The following GNAQ variants were observed in gnomAD, a reference collection of about 807,000 sequenced individuals.
GNAQ encodes the protein G protein subunit alpha q.
A neutral mutation model predicts 43.9 loss-of-function variants in GNAQ; 8 were observed. The ratio of observed to expected loss-of-function variants is 0.18; its 90% CI spans 0.11 to 0.33. The LOEUF (loss-of-function observed/expected upper bound fraction) is 0.33, where lower values mean the gene tolerates loss of function less well. GNAQ is among the 10% of genes least tolerant of loss of function. The probability of loss-of-function intolerance (pLI) is 1.00; values close to 1 mark genes in which losing one functional copy is unlikely to be tolerated. For missense variants in GNAQ, 158 were observed against 450.8 expected, an observed-to-expected ratio of 0.35 and a Z score of 5.88; for synonymous variants, 155 against 170.7, an observed-to-expected ratio of 0.91 and a Z score of 0.71.
Position 77,721,206 on chromosome 9 carries a change from G to T in GNAQ, c.*117C>A, listed in dbSNP as rs1825305349. 6.2e-6 allele frequency: 4 copies of T among 642,442 alleles called. No individual in the cohort carries two copies. In the South Asian group the frequency reaches 7.8e-5, roughly 13 times the overall value. The allele number at this position is 642,442 out of a possible 1,614,324, so 39.8% of individuals were successfully genotyped here. On this transcript the variant is annotated 3_prime_UTR_variant, in exon 7 of 7. Transcript: ENST00000286548. ...AACTCTGTGGACACGCTCACACAGA[G>T]TCCAGGACGGCAATAAATTAGTATT...
intron 3 of GNAQ, among the ~76,000 whole-genome samples, chr9:77,808,269 T>A (rs1826859183): frequency 6.6e-6 from 1 of 151,970 alleles, no homozygotes; most frequent in East Asian, 1.9e-4. Flanking sequence ...AAGCCTTATC[T>A]TTTTATCTTT....
intron 2 of GNAQ, among the ~76,000 whole-genome samples, chr9:77,850,217 T>C (rs993748425): frequency 6.6e-6 from 1 of 152,222 alleles, no homozygotes; most frequent in Admixed American, 6.5e-5. Flanking sequence ...GCTGGTTTTC[T>C]TCTCATTTAT....
chr9:77,881,798 G>A (rs1828212099), intron 2 of GNAQ, among the ~76,000 whole-genome samples: 1 of 152,200 alleles, frequency 6.6e-6, no homozygotes, highest in Non-Finnish European at 1.5e-5. Context: ...GAGGATCAAA[G>A]TCTGAAAACT....
At chr9:77,888,719 G>GA (rs1262162767) in intron 2 of GNAQ, among the ~76,000 whole-genome samples, 6 of 151,906 alleles carry the variant, frequency 3.9e-5, no homozygotes, top group South Asian at 4.1e-4. Context: ...TCAGATTTTG[G>GA]AAAAAAAGTG....
intron 2 of GNAQ, among the ~76,000 whole-genome samples, chr9:77,898,433 C>T (rs1159473084): frequency 6.6e-6 from 1 of 152,202 alleles, no homozygotes; most frequent in East Asian, 1.9e-4. Flanking sequence ...TATAGTTTCT[C>T]CTACTGTAAC....
chr9:77,744,834 A>C (rs1170381851), intron 5 of GNAQ, among the ~76,000 whole-genome samples: 1 of 152,160 alleles, frequency 6.6e-6, no homozygotes, highest in African/African-American at 2.4e-5. Flanking sequence ...ATCTCCAGGA[A>C]CTTCCAGGAA....
intron 1 of GNAQ, among the ~76,000 whole-genome samples, chr9:77,967,036 G>A (rs2118441337): frequency 6.6e-6 from 1 of 152,232 alleles, no homozygotes; most frequent in East Asian, 1.9e-4. Flanking sequence ...CTCTCCCCAT[G>A]GGCTTTTGTT....
intron 2 of GNAQ, among the ~76,000 whole-genome samples, chr9:77,827,386 A>C (rs867828563): frequency 0.03 from 4,424 of 149,314 alleles, 96 homozygotes; most frequent in Non-Finnish European, 0.042. Context: ...AAATAACTAA[A>C]AAAAAAAAAA....
At chr9:77,929,002 T>A (rs1256631487) in intron 1 of GNAQ, among the ~76,000 whole-genome samples, 2 of 152,146 alleles carry the variant, frequency 1.3e-5, no homozygotes, top group African/African-American at 2.4e-5. Flanking sequence ...TGGGCAAGAG[T>A]GAGACTCTGT....
chr9:77,728,112 A>G (rs2118215607), intron 6 of GNAQ, among the ~76,000 whole-genome samples: 1 of 151,986 alleles, frequency 6.6e-6, no homozygotes, highest in East Asian at 1.9e-4. Flanking sequence ...CTCCTGCCTC[A>G]GCCTCCCGAG....
At chr9:77,880,569 G>GTT (rs1198287619) in intron 2 of GNAQ, among the ~76,000 whole-genome samples, 15 of 120,072 alleles carry the variant, frequency 1.2e-4, no homozygotes, top group African/African-American at 4.1e-4. Context: ...TTTTTTTTTT[G>GTT]TTTTTTTTGT....
intron 2 of GNAQ, among the ~76,000 whole-genome samples, chr9:77,878,022 T>C (rs1344529822): frequency 6.6e-6 from 1 of 152,194 alleles, no homozygotes; most frequent in East Asian, 1.9e-4. Context: ...TCTTTCCCAC[T>C]AGCCTGGGTG....
At chr9:77,818,539 C>T (rs1406221968) in intron 2 of GNAQ, among the ~76,000 whole-genome samples, 3 of 150,552 alleles carry the variant, frequency 2.0e-5, no homozygotes, top group Admixed American at 2.0e-4. Context: ...TCTATTTGTC[C>T]AAATGTCGAA....
intron 1 of GNAQ, among the ~76,000 whole-genome samples, chr9:78,014,171 A>G (rs916483570): frequency 1.3e-5 from 2 of 152,220 alleles, no homozygotes; most frequent in Admixed American, 6.5e-5. Context: ...AAAAGGAAAT[A>G]ATGGAGGAGG....
intron 2 of GNAQ, among the ~76,000 whole-genome samples, chr9:77,840,957 T>C (rs1457444087): frequency 1.3e-5 from 2 of 151,984 alleles, no homozygotes; most frequent in East Asian, 3.9e-4. Context: ...CTGAGCACTA[T>C]ACAAGGAGTA....
At chr9:77,826,963 G>A (rs756450542) in intron 2 of GNAQ, among the ~76,000 whole-genome samples, 6 of 151,948 alleles carry the variant, frequency 3.9e-5, no homozygotes, top group Non-Finnish European at 8.8e-5. Context: ...TCATTTCTAC[G>A]GTTCTTACCA....
intron 5 of GNAQ, among the ~76,000 whole-genome samples, chr9:77,744,020 T>C (rs1564097210): frequency 6.6e-6 from 1 of 152,220 alleles, no homozygotes; most frequent in Non-Finnish European, 1.5e-5. Flanking sequence ...AAATCATACA[T>C]AGTCTAAATT....
At chr9:78,019,709 G>A (rs1177666855) in intron 1 of GNAQ, among the ~76,000 whole-genome samples, 1 of 152,056 alleles carries the variant, frequency 6.6e-6, no homozygotes, top group African/African-American at 2.4e-5. Flanking sequence ...GATCACCTGA[G>A]GTCAGGAGTT....
chr9:77,759,854 G>A (rs1287929524), intron 5 of GNAQ, among the ~76,000 whole-genome samples: 3 of 151,768 alleles, frequency 2.0e-5, no homozygotes, highest in Non-Finnish European at 4.4e-5. Context: ...AGTATATAAT[G>A]TTCTTAGTCC....
Sources: allele counts gnomAD v4.1 joint callset (sites outside exome capture counted in the v4.1 genomes callset), GRCh38; gene constraint gnomAD v4.1.1; transcripts MANE v1.5; gene names NCBI Gene and HGNC (gene_info 2026-07-23, HGNC 2026-07-21).